PARP4: variants seen among roughly 807,000 people sequenced by gnomAD.
PARP4 encodes the protein protein mono-ADP-ribosyltransferase PARP4.
A neutral mutation model predicts 187.7 loss-of-function variants in PARP4; 120 were observed. The ratio of observed to expected loss-of-function variants is 0.64; its 90% CI spans 0.55 to 0.74. The LOEUF (loss-of-function observed/expected upper bound fraction) is 0.74, where lower values mean the gene tolerates loss of function less well. PARP4 is among the 30% of genes least tolerant of loss of function. The probability of loss-of-function intolerance (pLI) is 0.00; values close to 1 mark genes in which losing one functional copy is unlikely to be tolerated. For synonymous variants in PARP4, 654 were observed against 740.9 expected (o/e 0.88, Z 1.90); for missense variants, 1,836 against 2,070.5 (o/e 0.89, Z 2.20).
chr13:24,460,475 C>T (rs947304), intron 17 of PARP4, among the ~76,000 whole-genome samples: 95,919 of 123,660 alleles, frequency 0.78, 34,767 homozygotes, highest in Admixed American at 0.83. Context: ...CTCTGCTGCA[C>T]GGGTGGGCTC....
At chr13:24,477,384 A>C (rs946741524) in intron 14 of PARP4, among the ~76,000 whole-genome samples, 10 of 152,052 alleles carry the variant, frequency 6.6e-5, no homozygotes, top group African/African-American at 2.4e-4. Flanking sequence ...TTTGAAACCC[A>C]GGAGTTTGAG....
At chr13:24,455,361 C>A in intron 21 of PARP4, 149 bp from the exon 22 acceptor site, 1 of 484,888 alleles carries the variant, frequency 2.1e-6, no homozygotes, top group South Asian at 5.4e-5. Context: ...AGATGGCCTA[C>A]TAGGAGTTCC....
chr13:24,480,979 G>A (rs749851798), intron 12 of PARP4, among the ~76,000 whole-genome samples: 27 of 152,254 alleles, frequency 1.8e-4, no homozygotes, highest in Non-Finnish European at 3.8e-4. Flanking sequence ...CACAGCCGGA[G>A]AGAAGTCAAT....
At chr13:24,494,753 G>C (rs765596770) in intron 6 of PARP4, 31 bp from the exon 7 acceptor site, 5 of 1,504,232 alleles carry the variant, frequency 3.3e-6, no homozygotes. Flanking sequence ...CAAAAGTACA[G>C]TCATTATTTA....
intron 1 of PARP4, among the ~76,000 whole-genome samples, chr13:24,508,188 A>T (rs2137555778): frequency 6.6e-6 from 1 of 152,144 alleles, no homozygotes; most frequent in Admixed American, 6.5e-5. Flanking sequence ...AACACACAAA[A>T]AAAAACACTA....
rs762932347 is a variant in PARP4 at position 24,421,155 on chromosome 13, G to C, written c.5139C>G (p.Ser1713=). Residue 1713 remains serine (S), a synonymous_variant, in exon 34 of 34, where the codon TCC becomes TCG. Transcript: ENST00000381989. ...TGTAATGGAGGACTCTATGAAGAGG[G>C]GACACAGTGCTTATGGGCTGGAGTC... ...LLGLQPISTV[S]PLHRVLHYSQ... 37 of 1,478,930 alleles carry C rather than the reference G, an allele frequency of 2.5e-5. No individual in the cohort carries two copies. The highest frequency in any genetic ancestry group is 3.3e-5 in the Non-Finnish European group (37 of 1,110,296). The allele number at this position is 1,478,930 out of a possible 1,614,324, so 91.6% of individuals were successfully genotyped here.
intron 1 of PARP4, among the ~76,000 whole-genome samples, chr13:24,508,533 G>C (rs1869831478): frequency 1.3e-5 from 2 of 151,926 alleles, no homozygotes; most frequent in East Asian, 3.9e-4. Flanking sequence ...TTTGTTTTTT[G>C]AGACAGTCTC....
At position 24,498,137 on chromosome 13, in the gene PARP4, G is replaced by A. The variant is rs763212441; in HGVS notation, c.570C>T (p.Phe190=). Residue 190 remains phenylalanine, a synonymous_variant, in exon 6 of 34, where the codon TTC becomes TTT. Coordinates refer to ENST00000381989, the MANE Select transcript of PARP4 (RefSeq NM_006437.4). ...TTACCTCCATGCCATCATCCAGGAGGAAGTGTGAGGATATCAGGAAAGGAC... is the reference window on the plus strand; with the variant it reads ...TTACCTCCATGCCATCATCCAGGAGAAAGTGTGAGGATATCAGGAAAGGAC... The part of the protein sequence containing the change: ...RDCPFLISSH[F]LLDDGMETRR... 8 of 1,612,232 alleles carry A rather than the reference G, an allele frequency of 5.0e-6. No individual in the cohort carries two copies. The highest frequency in any genetic ancestry group is 1.7e-4 in the Middle Eastern group (1 of 6,054).
chr13:24,483,052 G>A (rs900046150), intron 12 of PARP4, among the ~76,000 whole-genome samples: 7 of 150,742 alleles, frequency 4.6e-5, no homozygotes, highest in African/African-American at 1.7e-4. Flanking sequence ...ATTGGGTCTC[G>A]CTTTGTCTCC....
At position 24,492,459 on chromosome 13, in the gene PARP4, T is replaced by C. The variant is rs1369247704; in HGVS notation, c.1015A>G (p.Asn339Asp). 4 of 1,613,998 alleles carry C rather than the reference T, an allele frequency of 2.5e-6. No homozygotes were observed. In the African/African-American group the frequency reaches 4.0e-5, roughly 16 times the overall value. ...GCTTTCTTAGCCAATAGTCCCAGGT[T>C]CACTTCTTTGGGCATTGTGCCTTTG... Reference protein sequence around the residue: ...PHKGTMPKEVNLGLLAKKADL... With the variant: ...PHKGTMPKEVDLGLLAKKADL... Residue 339 changes from asparagine (N) to aspartate (D), a missense_variant, in exon 9 of 34, where the codon AAC (asparagine) becomes GAC (aspartate). Physicochemically the swap from Asn to Asp is conservative, Grantham distance 23 (BLOSUM62 1). Transcript: ENST00000381989.
At position 24,435,490 on chromosome 13, in the gene PARP4, A is replaced by G; in HGVS notation, c.3667-16T>C. ...CTAAAAGAGACTGCCCAGAAGACAG[A>G]ATTATTAACGTAAGGGGAAAACACA... On this transcript the variant is annotated splice_polypyrimidine_tract_variant and intron_variant, in intron 30 of 33. Transcript: ENST00000381989. 1 of 1,552,986 alleles carries G rather than the reference A, an allele frequency of 6.4e-7. No homozygotes were observed.
At chr13:24,471,590 A>G (rs1593625494) in intron 15 of PARP4, among the ~76,000 whole-genome samples, 1 of 152,028 alleles carries the variant, frequency 6.6e-6, no homozygotes, top group African/African-American at 2.4e-5. Flanking sequence ...AGCCATGCAC[A>G]TATAAGAATC....
Position 24,456,412 on chromosome 13 carries a change from G to C in PARP4, c.2491C>G (p.Leu831Val), listed in dbSNP as rs780840611. ...TAGGCAGCAGACAAACCGATGTGGA[G>C]AGAAAATCCACTGCTGTCTAAGGAG... ...GSSLDSSGFS[L>V]HIGLSAAYLP... Residue 831 changes from leucine (L) to valine (V), a missense_variant, in exon 21 of 34, where the codon CTC becomes GTC. Coordinates refer to ENST00000381989, the MANE Select transcript of PARP4 (RefSeq NM_006437.4). 5 of 1,612,032 alleles carry C rather than the reference G, an allele frequency of 3.1e-6. No homozygotes were observed. The highest frequency in any genetic ancestry group is 4.2e-6 in the Non-Finnish European group (5 of 1,178,668).
rs755161988 is a variant in PARP4, at chr13:24,501,822, T to C, written c.145A>G (p.Ile49Val). ...FSLNPQCTHI[I>V]LDNADVLSQY... Reference sequence around the variant, plus strand: ...CTCAGAACATCAGCATTATCTAAGATTATATGTGTGCACTAAGGAAAAAAA... The same window carrying C: ...CTCAGAACATCAGCATTATCTAAGACTATATGTGTGCACTAAGGAAAAAAA... Residue 49 changes from isoleucine (I) to valine (V), a missense_variant, in exon 3 of 34, where the codon ATC (isoleucine) becomes GTC (valine). By Grantham distance (29) the Ile-to-Val change is conservative. Coordinates refer to ENST00000381989, the MANE Select transcript of PARP4 (RefSeq NM_006437.4). 5 of 1,606,114 alleles carry C rather than the reference T, an allele frequency of 3.1e-6. No individual in the cohort carries two copies. In the African/African-American group the frequency reaches 5.3e-5, roughly 17 times the overall value.
At chr13:24,483,847 G>A (rs1384073325) in intron 12 of PARP4, among the ~76,000 whole-genome samples, 1 of 152,132 alleles carries the variant, frequency 6.6e-6, no homozygotes, top group Admixed American at 6.5e-5. Context: ...GGCTGGTCTC[G>A]AACTCCTGGC....
At chr13:24,507,147 C>G (rs543118333) in intron 1 of PARP4, among the ~76,000 whole-genome samples, 1 of 152,340 alleles carries the variant, frequency 6.6e-6, no homozygotes, top group South Asian at 2.1e-4. Context: ...TGCGCTGGCC[C>G]GCAAGCGCCG....
At chr13:24,480,944 G>T (rs1873245619) in intron 12 of PARP4, among the ~76,000 whole-genome samples, 1 of 152,230 alleles carries the variant, frequency 6.6e-6, no homozygotes, top group Non-Finnish European at 1.5e-5. Flanking sequence ...GCCTTCTATT[G>T]GAAGAAAATG....
intron 24 of PARP4, among the ~76,000 whole-genome samples, chr13:24,450,480 G>C (rs1334127735): frequency 6.6e-6 from 1 of 151,730 alleles, no homozygotes; most frequent in Admixed American, 6.6e-5. Context: ...AGATGGATTT[G>C]TCTTTACCCT....
Position 24,426,504 on chromosome 13 carries a change from G to C in PARP4, c.4941C>G (p.Phe1647Leu), listed in dbSNP as rs773973507. 6.2e-7 allele frequency: 1 copy of C among 1,611,940 alleles called. No individual in the cohort carries two copies. Among genetic ancestry groups the C allele is most frequent in the Non-Finnish European group, 8.5e-7 (1 of 1,178,762 alleles). ...CGTCATCCATTTTCATCAGTGATTTGAACACTATTCCCTCTTTTTCCAACC... is the reference window on the plus strand; with the variant it reads ...CGTCATCCATTTTCATCAGTGATTTCAACACTATTCCCTCTTTTTCCAACC... The part of the protein sequence containing the change: ...RTRLEKEGIV[F>L]KSLMKMDDAS... Residue 1647 changes from phenylalanine to leucine, a missense_variant, in exon 33 of 34, where the codon TTC (phenylalanine) becomes TTG (leucine). Physicochemically the swap from Phe to Leu is conservative, Grantham distance 22. Coordinates refer to ENST00000381989, the MANE Select transcript of PARP4 (RefSeq NM_006437.4).
Sources: gnomAD v4.1 joint callset for allele counts (sites outside exome capture counted in the v4.1 genomes callset) on GRCh38, gnomAD v4.1.1 for gene constraint, MANE v1.5 for transcripts, NCBI Gene and HGNC (gene_info 2026-07-23, HGNC 2026-07-21) for gene names.